ACVR1C: variants seen among roughly 807,000 people sequenced by gnomAD.
ACVR1C encodes the protein activin receptor type-1C.
In ACVR1C, 23 loss-of-function variants were observed where a neutral mutation model predicts 57.9. That is an observed-to-expected ratio of 0.40 (90% CI 0.29 to 0.56). The LOEUF is 0.56. Among genes scored for constraint, ACVR1C ranks in the 20% least tolerant of loss-of-function variants. The pLI is 0.50. For missense variants in ACVR1C, 480 were observed against 607.9 expected, an observed-to-expected ratio of 0.79 and a Z score of 2.21; for synonymous variants, 214 against 215.3, an observed-to-expected ratio of 0.99 and a Z score of 0.05.
At chr2:157,617,501 A>T (rs1386758744) in intron 1 of ACVR1C, among the ~76,000 whole-genome samples, 1 of 152,062 alleles carries the variant, frequency 6.6e-6, no homozygotes, top group Non-Finnish European at 1.5e-5. Context: ...ATTGAGGAAT[A>T]ACTGGGTAGA....
chr2:157,566,533 G>C (rs1319226565), intron 2 of ACVR1C, among the ~76,000 whole-genome samples: 1 of 152,178 alleles, frequency 6.6e-6, no homozygotes, highest in Non-Finnish European at 1.5e-5. Context: ...GCAGGGCGAG[G>C]CATTGCCTCA....
In ACVR1C at chr2:157,628,616, C is replaced by T. The variant is rs1436257051; in HGVS notation, c.29G>A (p.Arg10His). 2.5e-6 allele frequency: 4 copies of T among 1,601,356 alleles called. No individual in the cohort carries two copies. The highest frequency in any genetic ancestry group is 1.7e-5 in the Admixed American group (1 of 59,024). MTRALCSAL[R>H]QALLLLAAAA... ...CGCTGCGAGCAGCAGGAGAGCCTGG[C>T]GGAGCGCTGAGCAGAGCGCCCGGGT... The change falls in exon 1 of 9, where the codon CGC (arginine) becomes CAC (histidine). Residue 10 changes from arginine to histidine, a missense_variant. Arg to His is a conservative substitution (Grantham distance 29, BLOSUM62 0). Transcript: ENST00000243349.
intron 3 of ACVR1C, among the ~76,000 whole-genome samples, chr2:157,554,276 G>GA (rs1688023288): frequency 1.7e-5 from 1 of 57,314 alleles, no homozygotes; most frequent in African/African-American, 9.8e-5. Context: ...AGAAAGGAAG[G>GA]AAGGAAGAGA....
intron 2 of ACVR1C, among the ~76,000 whole-genome samples, chr2:157,575,360 T>C (rs1403549383): frequency 6.6e-6 from 1 of 152,204 alleles, no homozygotes; most frequent in Non-Finnish European, 1.5e-5. Context: ...CTCGAACTCC[T>C]GACCTCAGGT....
chr2:157,600,533 G>C (rs1682257421), intron 1 of ACVR1C, among the ~76,000 whole-genome samples: 1 of 152,180 alleles, frequency 6.6e-6, no homozygotes, highest in African/African-American at 2.4e-5. Flanking sequence ...TAGAATGAAA[G>C]TAGCAAAGAA....
Position 157,587,332 on chromosome 2 carries a change from G to T in ACVR1C, c.159C>A (p.Thr53=). The T allele has an allele frequency of 6.2e-7, 1 of 1,613,636 alleles. No homozygotes were observed. Among genetic ancestry groups the T allele is most frequent in the Non-Finnish European group, 8.5e-7 (1 of 1,179,656 alleles). ...ATTTGATCACCTGCTCTTTTCCATT[G>T]GTTAGCATGACTGATGCCCAACATG... ...EGACWASVML[T]NGKEQVIKSC... is the part of the protein sequence containing the mutation. The change falls in exon 2 of 9, where the codon ACC becomes ACA. Residue 53 remains threonine (T), a synonymous_variant. Transcript: ENST00000243349.
chr2:157,595,643 T>G (rs372433439), intron 1 of ACVR1C, among the ~76,000 whole-genome samples: 2 of 152,204 alleles, frequency 1.3e-5, no homozygotes, highest in African/African-American at 4.8e-5. Context: ...TCCAATTACA[T>G]TTAGAATAAA....
At chr2:157,617,510 G>C (rs982300196) in intron 1 of ACVR1C, among the ~76,000 whole-genome samples, 1 of 152,056 alleles carries the variant, frequency 6.6e-6, no homozygotes, top group Non-Finnish European at 1.5e-5. Context: ...TAACTGGGTA[G>C]AGACATGAGG....
chr2:157,622,048 T>G (rs562349521), intron 1 of ACVR1C, among the ~76,000 whole-genome samples: 2 of 152,202 alleles, frequency 1.3e-5, no homozygotes, highest in South Asian at 4.1e-4. Context: ...TATTCCTAGG[T>G]CCCATTAGCA....
intron 2 of ACVR1C, among the ~76,000 whole-genome samples, chr2:157,563,611 A>C (rs1250894506): frequency 6.6e-6 from 1 of 152,202 alleles, no homozygotes; most frequent in Non-Finnish European, 1.5e-5. Flanking sequence ...AATTAGAAAA[A>C]ACTACTTTAA....
rs985224378 is a variant in ACVR1C, at chr2:157,597,657, C to T, written c.74-10240G>A. 3 of 690,448 alleles carry T rather than the reference C, an allele frequency of 4.3e-6. No homozygotes were observed. The African/African-American group carries it at 5.8e-5, about 13-fold the overall frequency. The allele number at this position is 690,448 out of a possible 1,614,324, so 42.8% of individuals were successfully genotyped here. ...AGGCTATTTTTTACAGAATGACCTC[C>T]ACTCCGGATTAGCATTTCTCAAGCA... On this transcript the variant is annotated intron_variant, in intron 1 of 8. Transcript: ENST00000243349.
chr2:157,626,415 G>A (rs529953488), intron 1 of ACVR1C, among the ~76,000 whole-genome samples: 1 of 152,340 alleles, frequency 6.6e-6, no homozygotes, highest in African/African-American at 2.4e-5. Flanking sequence ...AGTAAAAAAG[G>A]TTTACTGGTT....
At chr2:157,617,700 A>G (rs1682684138) in intron 1 of ACVR1C, among the ~76,000 whole-genome samples, 1 of 152,040 alleles carries the variant, frequency 6.6e-6, no homozygotes, top group South Asian at 2.1e-4. Flanking sequence ...TTTCAAAGAA[A>G]ATATACTGCT....
At chr2:157,551,794 G>C (rs909397202) in intron 3 of ACVR1C, among the ~76,000 whole-genome samples, 11 of 152,116 alleles carry the variant, frequency 7.2e-5, no homozygotes, top group Non-Finnish European at 1.6e-4. Context: ...TGTCTTGCAG[G>C]GGCTTTGGTC....
At chr2:157,563,959 A>AT (rs1688300964) in intron 2 of ACVR1C, among the ~76,000 whole-genome samples, 1 of 152,244 alleles carries the variant, frequency 6.6e-6, no homozygotes, top group Non-Finnish European at 1.5e-5. Flanking sequence ...TTATACAAAA[A>AT]TTAACTCAAG....
In ACVR1C at chr2:157,541,071, G is replaced by A. The variant is rs1687615870; in HGVS notation, c.1225+19C>T. 1.2e-6 allele frequency: 2 copies of A among 1,608,810 alleles called. No individual in the cohort carries two copies. The highest frequency in any genetic ancestry group is 4.5e-5 in the East Asian group (2 of 44,796). On this transcript the variant is annotated intron_variant, in intron 7 of 8. Transcript: ENST00000243349. The stretch of plus-strand genomic sequence containing the variant: ...GTATCAAGGAAAGGCAAACACAAAG[G>A]ATATTTCCAAAATTTTACCTCCGAC...
intron 2 of ACVR1C, among the ~76,000 whole-genome samples, chr2:157,565,808 T>C (rs1448270623): frequency 6.6e-6 from 1 of 152,184 alleles, no homozygotes; most frequent in Non-Finnish European, 1.5e-5. Flanking sequence ...ATGTTCTCCT[T>C]GTGTTGCTGG....
chr2:157,615,705 C>A (rs1558998071), intron 1 of ACVR1C, among the ~76,000 whole-genome samples: 1 of 152,026 alleles, frequency 6.6e-6, no homozygotes, highest in Non-Finnish European at 1.5e-5. Context: ...AAAAAAACTT[C>A]ATGTAGTATG....
rs1021348442 is a variant in ACVR1C at position 157,532,490 on chromosome 2, G to A, written c.*1428C>T. On this transcript the variant is annotated 3_prime_UTR_variant, in exon 9 of 9. Coordinates refer to ENST00000243349, the MANE Select transcript of ACVR1C (RefSeq NM_145259.3). The stretch of plus-strand genomic sequence containing the variant: ...GTACCAAAGAACACTTTTGGTCTTG[G>A]ATCATCTCAGTAGAAGAATGTTCTA... 3 of 151,530 alleles carry A rather than the reference G, an allele frequency of 2.0e-5. No individual in the cohort carries two copies. Among genetic ancestry groups the A allele is most frequent in the Admixed American group, 6.6e-5 (1 of 15,206 alleles). 9.4% of individuals were successfully genotyped at this position (151,530 alleles called of 1,614,324 possible). A position where few individuals can be genotyped will look rare whatever the true frequency, so the allele number is the denominator to read the frequency against.
Sources: gnomAD v4.1 joint callset for allele counts (sites outside exome capture counted in the v4.1 genomes callset) on GRCh38, gnomAD v4.1.1 for gene constraint, MANE v1.5 for transcripts, NCBI Gene and HGNC (gene_info 2026-07-23, HGNC 2026-07-21) for gene names.